PARD3B: variants seen among roughly 807,000 people sequenced by gnomAD.
The protein encoded by PARD3B is partitioning defective 3 homolog B.
In PARD3B, 103 loss-of-function variants were observed where a neutral mutation model predicts 130.2. The ratio of observed to expected loss-of-function variants is 0.79; its 90% confidence interval spans 0.67 to 0.93. PARD3B has a LOEUF of 0.93. Ranked by LOEUF, PARD3B falls within the 40% of genes least tolerant of loss-of-function variation. PARD3B has a pLI of 0.00. For synonymous variants in PARD3B, 583 were observed against 553.2 expected, an observed-to-expected ratio of 1.05 and a Z score of -0.76; for missense variants, 1,609 against 1,499.2, an observed-to-expected ratio of 1.07 and a Z score of -1.21.
intron 7 of PARD3B, among the ~76,000 whole-genome samples, chr2:205,119,309 CG>C (rs2030345964): frequency 6.6e-6 from 1 of 152,046 alleles, no homozygotes; most frequent in Non-Finnish European, 1.5e-5. Context: ...CGTCGTTGAA[CG>C]GGTTTGTTTT....
At chr2:205,581,072 G>T (rs1428524585) in intron 22 of PARD3B, among the ~76,000 whole-genome samples, 3 of 151,908 alleles carry the variant, frequency 2.0e-5, no homozygotes, top group African/African-American at 7.3e-5. Flanking sequence ...CTTTCATTAA[G>T]ATACCTAAGC....
In PARD3B at chr2:204,986,764, A is replaced by G. The variant is rs375383374; in HGVS notation, c.394+21441A>G. On this transcript the variant is annotated intron_variant, in intron 3 of 22. Transcript: ENST00000406610. ...AATGACCTTTTCGATGGGTAATTTG[A>G]CAGACGCTTGATGGACAGCATTCTT... 5.9e-5 allele frequency among the ~76,000 whole-genome samples: 9 copies of G among 152,300 alleles called. No homozygotes were observed. In the East Asian group the frequency reaches 1.7e-3, roughly 29 times the overall value.
chr2:205,415,915 G>A (rs547835678), intron 19 of PARD3B, among the ~76,000 whole-genome samples: 4 of 152,222 alleles, frequency 2.6e-5, no homozygotes, highest in South Asian at 2.1e-4. Flanking sequence ...CCCGAAATAT[G>A]TAGTATGTTT....
chr2:204,971,487 G>A (rs1691701160), intron 3 of PARD3B, among the ~76,000 whole-genome samples: 1 of 152,224 alleles, frequency 6.6e-6, no homozygotes, highest in African/African-American at 2.4e-5. Flanking sequence ...AAATTGCGTA[G>A]ATGAATTCAT....
rs114968089 is a variant in PARD3B at position 204,548,081 on chromosome 2, A to C, written c.120+1962A>C. Among the ~76,000 whole-genome samples the C allele has an allele frequency of 7.1e-3, 1,078 of 152,228 alleles. 16 individuals carry two copies. Among genetic ancestry groups the C allele is most frequent in the African/African-American group, 0.025 (1,024 of 41,566 alleles). On this transcript the variant is annotated intron_variant, in intron 1 of 22. Transcript: ENST00000406610. ...GTAGGTGATGATTTTTCCCCTCCCC[A>C]AGTATTCTTCTCCCATAGTTTTATT...
intron 3 of PARD3B, among the ~76,000 whole-genome samples, chr2:205,018,215 G>A (rs1414515516): frequency 1.3e-5 from 2 of 152,002 alleles, no homozygotes; most frequent in Non-Finnish European, 1.5e-5. Flanking sequence ...AAGAAGGAAG[G>A]AAGTCTAAAA....
At chr2:205,305,116 G>C (rs1260818869) in intron 18 of PARD3B, among the ~76,000 whole-genome samples, 1 of 152,122 alleles carries the variant, frequency 6.6e-6, no homozygotes, top group Non-Finnish European at 1.5e-5. Flanking sequence ...ACTGAAGAAA[G>C]CAGAAACAAG....
chr2:205,525,465 T>C lies in PARD3B; in HGVS notation c.3180+25434T>C, dbSNP rs2051295245. Among the ~76,000 whole-genome samples the C allele has an allele frequency of 6.6e-6, 1 of 152,188 alleles. No individual in the cohort carries two copies. The highest frequency in any genetic ancestry group is 2.1e-4 in the South Asian group (1 of 4,824). ...ATGCTGGGTGTTATGTATGCACAGT[T>C]ACCTATGAACACAAAAAGGTTTAAT... On this transcript the variant is annotated intron_variant, in intron 21 of 22. Transcript: ENST00000406610. The surrounding 1 kb of genome is among the most constrained non-coding windows in gnomAD (Gnocchi z 4.2).
intron 2 of PARD3B, among the ~76,000 whole-genome samples, chr2:204,878,065 G>C (rs1180923958): frequency 6.6e-6 from 1 of 152,022 alleles, no homozygotes; most frequent in African/African-American, 2.4e-5. Context: ...TTATTTACTT[G>C]CATCTACTGT....
chr2:205,036,677 A>G (rs899757329), intron 3 of PARD3B, among the ~76,000 whole-genome samples: 88 of 145,898 alleles, frequency 6.0e-4, no homozygotes, highest in Non-Finnish European at 9.2e-4. Context: ...TGTACAAAAA[A>G]TATATATACA....
At chr2:205,438,550 G>A (rs2047599096) in intron 19 of PARD3B, among the ~76,000 whole-genome samples, 1 of 152,172 alleles carries the variant, frequency 6.6e-6, no homozygotes, top group Non-Finnish European at 1.5e-5. Flanking sequence ...CCTATCATCA[G>A]GGTGCAGCAA....
At chr2:204,570,471 T>A (rs2125067358) in intron 1 of PARD3B, among the ~76,000 whole-genome samples, 1 of 152,292 alleles carries the variant, frequency 6.6e-6, no homozygotes, top group South Asian at 2.1e-4. Flanking sequence ...TCCATCTAGC[T>A]GGAATAGGGG....
intron 10 of PARD3B, among the ~76,000 whole-genome samples, chr2:205,152,487 G>T (rs552760582): frequency 6.6e-6 from 1 of 151,442 alleles, no homozygotes; most frequent in African/African-American, 2.4e-5. Context: ...TAAACTTCTC[G>T]CTTCATTTCA....
At chr2:205,350,385 A>C (rs2043954789) in intron 18 of PARD3B, among the ~76,000 whole-genome samples, 1 of 152,246 alleles carries the variant, frequency 6.6e-6, no homozygotes, top group Non-Finnish European at 1.5e-5. Context: ...AATCATTCAA[A>C]GGCAACTTTC....
At chr2:204,575,644 G>A (rs1453432383) in intron 1 of PARD3B, among the ~76,000 whole-genome samples, 3 of 152,230 alleles carry the variant, frequency 2.0e-5, no homozygotes, top group Non-Finnish European at 2.9e-5. Context: ...GCCCCTGCCT[G>A]TTCTCCTCCT....
At chr2:205,174,397 T>C (rs2035348752) in intron 12 of PARD3B, among the ~76,000 whole-genome samples, 2 of 152,208 alleles carry the variant, frequency 1.3e-5, no homozygotes, top group African/African-American at 4.8e-5. Context: ...AGCAGGCACT[T>C]GACTCTCGGC....
intron 2 of PARD3B, among the ~76,000 whole-genome samples, chr2:204,865,186 G>GTAC (rs2045359177): frequency 6.6e-6 from 1 of 152,136 alleles, no homozygotes; most frequent in African/African-American, 2.4e-5. Flanking sequence ...ATGTGAACTA[G>GTAC]TACAACCACT....
At position 205,104,444 on chromosome 2, in the gene PARD3B, G is replaced by T; in HGVS notation, c.523G>T (p.Glu175Ter). 1 of 1,600,906 alleles carries T rather than the reference G, an allele frequency of 6.2e-7. No homozygotes were observed. Among genetic ancestry groups the T allele is most frequent in the Non-Finnish European group, 8.6e-7 (1 of 1,168,198 alleles). ...LVVPDSTQNL[E>*]DREVLNGVQT... ...ACTATAGGATTCCACGCAGAACTTG[G>T]AAGACAGAGAAGTTTTGAATGGTGT... The change falls in exon 5 of 23, where the codon GAA becomes TAA. Residue 175 changes from glutamate to a stop codon, truncating the protein, a stop_gained. Coordinates refer to ENST00000406610, the MANE Select transcript of PARD3B (RefSeq NM_001302769.2). LOFTEE classifies it high-confidence loss of function.
At chr2:205,001,351 A>T (rs998138977) in intron 3 of PARD3B, among the ~76,000 whole-genome samples, 45 of 152,306 alleles carry the variant, frequency 3.0e-4, no homozygotes, top group African/African-American at 2.6e-4. Context: ...TAGGGATCCT[A>T]ACTCTTTCTT....
Sources: allele counts gnomAD v4.1 joint callset (sites outside exome capture counted in the v4.1 genomes callset), GRCh38; gene constraint gnomAD v4.1.1; non-coding constraint Gnocchi (gnomAD v3.1); transcripts MANE v1.5; gene names NCBI Gene and HGNC (gene_info 2026-07-23, HGNC 2026-07-21).